The following TICRR variants were observed in gnomAD, a reference collection of about 807,000 sequenced individuals.
TICRR encodes TOPBP1 interacting checkpoint and replication regulator.
A neutral mutation model predicts 178.1 loss-of-function variants in TICRR; 132 were observed. The observed-to-expected ratio is 0.74, with a 90% CI of 0.64 to 0.86. The LOEUF is 0.86. Ranked by LOEUF, TICRR falls within the 40% of genes least tolerant of loss-of-function variation. The pLI, the probability that TICRR is intolerant of heterozygous loss-of-function variation, is 0.00. For synonymous variants in TICRR, 991 were observed against 900.7 expected, an observed-to-expected ratio of 1.10 and a Z score of -1.79; for missense variants, 2,587 against 2,334.3, an observed-to-expected ratio of 1.11 and a Z score of -2.23.
chr15:89,591,833 A>G (rs1239075855), intron 4 of TICRR: 4 of 409,860 alleles, frequency 9.8e-6, no homozygotes, highest in Non-Finnish European at 1.7e-5. Context: ...AGAACAAAAG[A>G]CTTTAAATTG....
intron 15 of TICRR, among the ~76,000 whole-genome samples, chr15:89,614,953 TTAGCCATAGGTGGCAGCTTACAGG>T (rs1963311092): frequency 6.6e-6 from 1 of 152,236 alleles, no homozygotes. Flanking sequence ...AGCCTCAAGG[TTAGCCATAGGTGGCAGCTTACAGG>T]CTTCTCAAGT....
Position 89,624,775 on chromosome 15 carries a change from G to A in TICRR, c.4465G>A (p.Glu1489Lys), listed in dbSNP as rs757505811. The part of the protein sequence containing the change: ...KSNVLSVEEG[E>K]GLRTADAEKS... ...TAACGTCTTATCAGTGGAAGAGGGT[G>A]AGGGGCTAAGGACAGCAGATGCTGA... Residue 1489 changes from glutamate to lysine, a missense_variant, in exon 20 of 22, where the codon GAG becomes AAG. Physicochemically the swap from Glu to Lys is moderately conservative, Grantham distance 56. Coordinates refer to ENST00000268138, the MANE Select transcript of TICRR (RefSeq NM_152259.4). 6.2e-7 allele frequency: 1 copy of A among 1,614,108 alleles called. No individual in the cohort carries two copies. Among genetic ancestry groups the A allele is most frequent in the Non-Finnish European group, 8.5e-7 (1 of 1,180,058 alleles).
In TICRR at chr15:89,575,885, C is replaced by G. The variant is rs751867337; in HGVS notation, c.299C>G (p.Thr100Arg). 1.3e-6 allele frequency: 2 copies of G among 1,586,900 alleles called. No homozygotes were observed. Among genetic ancestry groups the G allele is most frequent in the Non-Finnish European group, 1.7e-6 (2 of 1,169,148 alleles). The change falls in exon 1 of 22, where the codon ACG becomes AGG. Residue 100 changes from threonine to arginine, a missense_variant. Coordinates refer to ENST00000268138, the MANE Select transcript of TICRR (RefSeq NM_152259.4). ...GGCCCGGCGCCCAGGGCCACCCACACGCACGGCGCCCTGATGGAGACGCTG... is the reference window on the plus strand; with the variant it reads ...GGCCCGGCGCCCAGGGCCACCCACAGGCACGGCGCCCTGATGGAGACGCTG... Reference protein sequence around the residue: ...LPGPAPRATHTHGALMETLLD... With the variant: ...LPGPAPRATHRHGALMETLLD...
chr15:89,622,349 T>G lies in TICRR; in HGVS notation c.3312+799T>G, dbSNP rs1308963369. Among the ~76,000 whole-genome samples, 6 of 152,210 alleles carry G rather than the reference T, an allele frequency of 3.9e-5. No individual in the cohort carries two copies. The East Asian group carries it at 1.2e-3, about 29-fold the overall frequency. ...ACTGCAATTCCTACCCTAGTTCAGG[T>G]CTACCTGGAACACTTCAACAGGCTT... On this transcript the variant is annotated intron_variant, in intron 19 of 21. Coordinates refer to ENST00000268138, the MANE Select transcript of TICRR (RefSeq NM_152259.4).
chr15:89,585,409 T>C (rs1407774520), intron 3 of TICRR, among the ~76,000 whole-genome samples: 1 of 152,174 alleles, frequency 6.6e-6, no homozygotes, highest in Non-Finnish European at 1.5e-5. Flanking sequence ...CCCTCCTTTA[T>C]AAAATGGGGA....
chr15:89,600,664 A>G lies in TICRR; in HGVS notation c.2132A>G (p.Asp711Gly). Residue 711 changes from aspartate (D) to glycine (G), a missense_variant, in exon 9 of 22, where the codon GAT (aspartate) becomes GGT (glycine). Coordinates refer to ENST00000268138, the MANE Select transcript of TICRR (RefSeq NM_152259.4). Reference protein sequence around the residue: ...SLRQNLGKKLDKEDKVRECQL... With the variant: ...SLRQNLGKKLGKEDKVRECQL... ...CGACAGAATCTAGGAAAAAAACTGG[A>G]TAAGGAAGACAAAGTTAGAGAGTAA... 1 of 1,576,822 alleles carries G rather than the reference A, an allele frequency of 6.3e-7. No homozygotes were observed. Among genetic ancestry groups the G allele is most frequent in the Non-Finnish European group, 8.7e-7 (1 of 1,153,994 alleles).
chr15:89,610,780 A>AT (rs916328297), intron 15 of TICRR, among the ~76,000 whole-genome samples: 12 of 149,558 alleles, frequency 8.0e-5, no homozygotes, highest in Non-Finnish European at 1.5e-4. Flanking sequence ...TATTTAGCTG[A>AT]TTTTTTGTAG....
In TICRR at chr15:89,614,997, G is replaced by T. The variant is rs1234705354; in HGVS notation, c.2870-1408G>T. ...TACAGGCTTCTCAAGTCTATCCTCG[G>T]CACATGCACAGTGCTACACGTGTGT... On this transcript the variant is annotated intron_variant, in intron 15 of 21. Transcript: ENST00000268138. Among the ~76,000 whole-genome samples the T allele has an allele frequency of 2.6e-5, 4 of 152,152 alleles. No individual in the cohort carries two copies. The East Asian group carries it at 7.7e-4, about 29-fold the overall frequency.
At chr15:89,578,621 C>G (rs1384732416) in intron 1 of TICRR, among the ~76,000 whole-genome samples, 1 of 151,268 alleles carries the variant, frequency 6.6e-6, no homozygotes, top group African/African-American at 2.4e-5. Flanking sequence ...CTTGGAGATT[C>G]TTTGTCTCTC....
intron 15 of TICRR, among the ~76,000 whole-genome samples, chr15:89,613,625 A>T (rs1337520260): frequency 6.6e-6 from 1 of 151,178 alleles, no homozygotes; most frequent in Non-Finnish European, 1.5e-5. Flanking sequence ...TCTTCCTTAG[A>T]CTGGATCATC....
chr15:89,591,106 A>G (rs568215039), intron 4 of TICRR, among the ~76,000 whole-genome samples: 2 of 152,234 alleles, frequency 1.3e-5, no homozygotes, highest in East Asian at 1.9e-4. Context: ...CTGTATATTT[A>G]TTCTTGTACA....
At chr15:89,614,102 C>A (rs946735008) in intron 15 of TICRR, among the ~76,000 whole-genome samples, 2 of 151,704 alleles carry the variant, frequency 1.3e-5, no homozygotes, top group Admixed American at 1.3e-4. Flanking sequence ...TGCAGTGAGC[C>A]GAGATCACGC....
chr15:89,583,102 A>T, intron 2 of TICRR, 137 bp downstream of exon 2: 1 of 945,264 alleles, frequency 1.1e-6, no homozygotes, highest in Non-Finnish European at 1.5e-6. Context: ...GAATTAAAAG[A>T]CATCAAGGCA....
At chr15:89,610,996 G>T (rs903319879) in intron 15 of TICRR, among the ~76,000 whole-genome samples, 1 of 150,876 alleles carries the variant, frequency 6.6e-6, no homozygotes, top group African/African-American at 2.4e-5. Flanking sequence ...TATTGTTGTA[G>T]ACTGCATCTT....
chr15:89,576,282 T>C, intron 1 of TICRR, 42 bp downstream of exon 1: 1 of 1,487,490 alleles, frequency 6.7e-7, no homozygotes, highest in Non-Finnish European at 8.9e-7. Flanking sequence ...TGCACGGTGC[T>C]TTCCTTGCTA....
At chr15:89,594,648 A>C in intron 6 of TICRR, 94 bp downstream of exon 6, 1 of 1,182,720 alleles carries the variant, frequency 8.5e-7, no homozygotes, top group East Asian at 2.6e-5. Context: ...TTGAAATGGT[A>C]ACTAAATAAA....
At chr15:89,615,660 C>G (rs1445156189) in intron 15 of TICRR, among the ~76,000 whole-genome samples, 1 of 152,170 alleles carries the variant, frequency 6.6e-6, no homozygotes, top group African/African-American at 2.4e-5. Context: ...TCATTTTAAG[C>G]TCACTTTAAA....
chr15:89,601,252 T>C (rs367625547), intron 9 of TICRR, 46 bp from the exon 10 acceptor site: 913 of 1,558,780 alleles, frequency 5.9e-4, no homozygotes, highest in Non-Finnish European at 7.8e-4. Flanking sequence ...GCTTTTTGTT[T>C]AGTGACATCC....
chr15:89,581,573 C>CA (rs1962725951), intron 1 of TICRR, among the ~76,000 whole-genome samples: 1 of 152,086 alleles, frequency 6.6e-6, no homozygotes. Context: ...TAGAAATCAG[C>CA]AAAAACAGGG....
Sources: allele counts gnomAD v4.1 joint callset (sites outside exome capture counted in the v4.1 genomes callset), GRCh38; gene constraint gnomAD v4.1.1; transcripts MANE v1.5; gene names NCBI Gene and HGNC (gene_info 2026-07-23, HGNC 2026-07-21).